The following RORA variants were observed in gnomAD, a reference collection of about 807,000 sequenced individuals.
RORA encodes the protein nuclear receptor ROR-alpha.
A neutral mutation model predicts 69.5 loss-of-function variants in RORA; 7 were observed. That is an observed-to-expected ratio of 0.10 (90% CI 0.06 to 0.19). RORA has a LOEUF of 0.19. Ranked by LOEUF, RORA falls within the 10% of genes least tolerant of loss-of-function variation. The pLI, the probability that RORA is intolerant of heterozygous loss-of-function variation, is 1.00. For synonymous variants in RORA, 261 were observed against 240.8 expected, an observed-to-expected ratio of 1.08 and a Z score of -0.78; for missense variants, 457 against 663.0, an observed-to-expected ratio of 0.69 and a Z score of 3.41.
At chr15:61,116,743 C>G (rs2079054878) in intron 1 of RORA, among the ~76,000 whole-genome samples, 2 of 143,570 alleles carry the variant, frequency 1.4e-5, no homozygotes, top group African/African-American at 5.4e-5. Context: ...CCCTGAAATA[C>G]TGGAAGAAGC....
At chr15:60,759,026 T>A (rs1454021103) in intron 1 of RORA, among the ~76,000 whole-genome samples, 1 of 152,188 alleles carries the variant, frequency 6.6e-6, no homozygotes. Context: ...TACAATCCAG[T>A]GGGTTTTCTC....
intron 1 of RORA, among the ~76,000 whole-genome samples, chr15:60,915,490 A>G (rs1476830327): frequency 6.6e-6 from 1 of 152,222 alleles, no homozygotes; most frequent in Non-Finnish European, 1.5e-5. Context: ...ATGATTTGCC[A>G]GATTGTTTCT....
intron 1 of RORA, among the ~76,000 whole-genome samples, chr15:61,085,801 T>G (rs974004086): frequency 6.6e-6 from 1 of 152,216 alleles, no homozygotes; most frequent in African/African-American, 2.4e-5. Context: ...CTCACTTATA[T>G]GCAAAGACAA....
chr15:60,813,992 A>C (rs1299080091), intron 1 of RORA, among the ~76,000 whole-genome samples: 1 of 152,172 alleles, frequency 6.6e-6, no homozygotes, highest in Non-Finnish European at 1.5e-5. Flanking sequence ...AATAACATAT[A>C]ATCTATTTGG....
chr15:60,815,431 C>G (rs1475009740), intron 1 of RORA, among the ~76,000 whole-genome samples: 15 of 152,066 alleles, frequency 9.9e-5, no homozygotes, highest in Admixed American at 9.8e-4. Flanking sequence ...TAAAACAGCG[C>G]CTGGCCAAGG....
chr15:60,707,024 CTTG>C (rs1200647601), intron 1 of RORA, among the ~76,000 whole-genome samples: 3 of 152,206 alleles, frequency 2.0e-5, no homozygotes, highest in East Asian at 3.9e-4. Context: ...AATAATGTCA[CTTG>C]TTGTGCAAAT....
chr15:60,946,395 G>A (rs952223098), intron 1 of RORA, among the ~76,000 whole-genome samples: 4 of 152,200 alleles, frequency 2.6e-5, no homozygotes, highest in African/African-American at 9.6e-5. Flanking sequence ...AGCCTGCCGA[G>A]TGCCTGCGAT....
intron 1 of RORA, among the ~76,000 whole-genome samples, chr15:60,819,572 T>C (rs897667041): frequency 2.0e-5 from 3 of 152,166 alleles, no homozygotes; most frequent in African/African-American, 4.8e-5. Context: ...TCTAGAGACA[T>C]TTCCACAGCA....
intron 1 of RORA, among the ~76,000 whole-genome samples, chr15:61,141,320 G>T (rs1435805574): frequency 1.3e-5 from 2 of 152,170 alleles, no homozygotes; most frequent in African/African-American, 2.4e-5. Flanking sequence ...AATTTGGAAT[G>T]AAGTATTTAT....
chr15:60,784,471 C>T (rs1255736979), intron 1 of RORA, among the ~76,000 whole-genome samples: 4 of 152,174 alleles, frequency 2.6e-5, no homozygotes, highest in Non-Finnish European at 4.4e-5. Context: ...CATTATAGAG[C>T]TTTGATTCCA....
intron 1 of RORA, among the ~76,000 whole-genome samples, chr15:60,794,000 G>A (rs2072454629): frequency 1.3e-5 from 2 of 152,166 alleles, no homozygotes; most frequent in African/African-American, 2.4e-5. Flanking sequence ...GTCCCAGCTG[G>A]CTCTCCAAGG....
Position 60,802,092 on chromosome 15 carries a change from G to A in RORA, c.167-123406C>T, listed in dbSNP as rs1054253775. Among the ~76,000 whole-genome samples, 4 of 152,280 alleles carry A rather than the reference G, an allele frequency of 2.6e-5. No homozygotes were observed. The South Asian group carries it at 8.3e-4, about 32-fold the overall frequency. On this transcript the variant is annotated intron_variant, in intron 1 of 10. Transcript: ENST00000335670. ...ACTGTACAATGCTTGGTGGGAGTGG[G>A]AAGTTGGGTAAAAACAGGCACCACT...
intron 2 of RORA, among the ~76,000 whole-genome samples, chr15:60,583,535 G>A (rs2068249610): frequency 6.6e-6 from 1 of 152,138 alleles, no homozygotes; most frequent in Non-Finnish European, 1.5e-5. Flanking sequence ...TGCAGAGGCT[G>A]GGGCTTCTGG....
At chr15:60,695,943 T>G (rs185605775) in intron 1 of RORA, among the ~76,000 whole-genome samples, 132 of 152,282 alleles carry the variant, frequency 8.7e-4, no homozygotes, top group African/African-American at 3.0e-3. Context: ...CACAAAGCAC[T>G]GTTCCCGCGA....
chr15:60,571,527 C>A (rs1325780562), intron 2 of RORA, among the ~76,000 whole-genome samples: 3 of 152,104 alleles, frequency 2.0e-5, no homozygotes, highest in Non-Finnish European at 2.9e-5. Context: ...TCACTTACAG[C>A]ACTTTTTGGT....
chr15:60,603,553 A>G (rs555598679), intron 2 of RORA, among the ~76,000 whole-genome samples: 122 of 152,360 alleles, frequency 8.0e-4, no homozygotes, highest in African/African-American at 2.8e-3. Context: ...ATAGAGGGTT[A>G]AGTTTCTGTG....
At chr15:61,081,959 C>G (rs1469051358) in intron 1 of RORA, among the ~76,000 whole-genome samples, 1 of 152,094 alleles carries the variant, frequency 6.6e-6, no homozygotes, top group African/African-American at 2.4e-5. Context: ...TTCTAGAAAG[C>G]TGGGAAACAG....
chr15:60,507,492 A>T (rs571831628), intron 5 of RORA, among the ~76,000 whole-genome samples: 21 of 152,350 alleles, frequency 1.4e-4, no homozygotes, highest in African/African-American at 5.0e-4. Context: ...AAACAGCATG[A>T]ATAAATAACA....
intron 1 of RORA, among the ~76,000 whole-genome samples, chr15:60,894,635 G>A (rs529152643): frequency 6.6e-6 from 1 of 152,346 alleles, no homozygotes; most frequent in Admixed American, 6.5e-5. Flanking sequence ...CACCTGGAGA[G>A]TTTGTGAAAA....
Sources: gnomAD v4.1 joint callset for allele counts (sites outside exome capture counted in the v4.1 genomes callset) on GRCh38, gnomAD v4.1.1 for gene constraint, MANE v1.5 for transcripts, NCBI Gene and HGNC (gene_info 2026-07-23, HGNC 2026-07-21) for gene names.